MBD5: variants seen among roughly 807,000 people sequenced by gnomAD.
MBD5 encodes methyl-CpG binding domain protein 5, also known as methyl-CpG-binding domain protein 5.
In MBD5, 13 loss-of-function variants were observed where a neutral mutation model predicts 117.3. The ratio of observed to expected loss-of-function variants is 0.11; its 90% CI spans 0.07 to 0.18. The LOEUF is 0.18. Ranked by LOEUF, MBD5 falls within the 10% of genes least tolerant of loss-of-function variation. MBD5 has a pLI of 1.00. For synonymous variants in MBD5, 727 were observed against 766.4 expected (o/e 0.95, Z 0.85); for missense variants, 1,879 against 2,093.8 (o/e 0.90, Z 2.00).
chr2:148,055,951 G>A (rs745832228), intron 1 of MBD5: 1 of 152,066 alleles, frequency 6.6e-6, no homozygotes, highest in Non-Finnish European at 1.5e-5. Context: ...TTCATAATCA[G>A]TTTGGCATGT....
At chr2:148,267,705 A>G (rs1418175819) in intron 3 of MBD5, among the ~76,000 whole-genome samples, 2 of 151,956 alleles carry the variant, frequency 1.3e-5, no homozygotes, top group Admixed American at 6.6e-5. Flanking sequence ...AACTTTTTAA[A>G]CTTTTATGTT....
intron 3 of MBD5, among the ~76,000 whole-genome samples, chr2:148,295,012 G>A (rs1701615502): frequency 6.6e-6 from 1 of 152,090 alleles, no homozygotes; most frequent in South Asian, 2.1e-4. Flanking sequence ...ACTTTGATGT[G>A]TCTGAGTATG....
At chr2:148,320,133 G>C (rs548501765) in intron 3 of MBD5, among the ~76,000 whole-genome samples, 6 of 152,168 alleles carry the variant, frequency 3.9e-5, no homozygotes, top group Admixed American at 3.9e-4. Flanking sequence ...TGTGTTGTTG[G>C]CATTCTATTT....
At chr2:148,266,742 A>G (rs1013290239) in intron 3 of MBD5, among the ~76,000 whole-genome samples, 8 of 152,160 alleles carry the variant, frequency 5.3e-5, no homozygotes, top group Non-Finnish European at 1.0e-4. Flanking sequence ...CAAAAACTAT[A>G]GAATAACAAG....
At chr2:148,198,922 A>ATATATGTATGTATGTG (rs200956783) in intron 2 of MBD5, among the ~76,000 whole-genome samples, 2 of 151,816 alleles carry the variant, frequency 1.3e-5, no homozygotes, top group African/African-American at 4.8e-5. Flanking sequence ...GGGGGAATAT[A>ATATATGTATGTATGTG]TATATGTATG....
At position 148,399,997 on chromosome 2, in the gene MBD5, T is replaced by A. The variant is rs528625813; in HGVS notation, c.-557+57661T>A. Reference sequence around the variant, plus strand: ...GTTGAACCAGCCTTGCATCCCAGGGTTGAAGCCCACTTGATCATGGTGGAT... The same window carrying A: ...GTTGAACCAGCCTTGCATCCCAGGGATGAAGCCCACTTGATCATGGTGGAT... On this transcript the variant is annotated intron_variant, in intron 4 of 13. Coordinates refer to ENST00000642680, the MANE Select transcript of MBD5 (RefSeq NM_001378120.1). Among the ~76,000 whole-genome samples, 25 of 152,184 alleles carry A rather than the reference T, an allele frequency of 1.6e-4. No individual in the cohort carries two copies. In the East Asian group the frequency reaches 3.9e-3, roughly 24 times the overall value.
chr2:148,486,396 T>C (rs1681341244), intron 10 of MBD5, among the ~76,000 whole-genome samples: 2 of 152,084 alleles, frequency 1.3e-5, no homozygotes, highest in South Asian at 4.1e-4. Context: ...TAAATCCACA[T>C]AGGGAGAAAA....
intron 3 of MBD5, among the ~76,000 whole-genome samples, chr2:148,327,113 T>A (rs1192222190): frequency 1.3e-5 from 2 of 152,084 alleles, no homozygotes; most frequent in African/African-American, 4.8e-5. Context: ...TTTGGCTGGA[T>A]ATGAAATTCT....
chr2:148,029,910 G>A (rs1693992608), intron 1 of MBD5, among the ~76,000 whole-genome samples: 1 of 152,110 alleles, frequency 6.6e-6, no homozygotes, highest in Non-Finnish European at 1.5e-5. Flanking sequence ...TAAATCTAAT[G>A]CATTGCTGGT....
chr2:148,032,884 T>C (rs2105602344), intron 1 of MBD5, among the ~76,000 whole-genome samples: 1 of 152,002 alleles, frequency 6.6e-6, no homozygotes, highest in East Asian at 1.9e-4. Flanking sequence ...TATAACCAGG[T>C]AGAAGTTAGA....
At chr2:148,273,826 C>G (rs1443601556) in intron 3 of MBD5, among the ~76,000 whole-genome samples, 1 of 152,152 alleles carries the variant, frequency 6.6e-6, no homozygotes, top group Non-Finnish European at 1.5e-5. Flanking sequence ...AGGGAAGAAC[C>G]TAGTTGGGCA....
chr2:148,180,662 A>G (rs953813032), intron 2 of MBD5, among the ~76,000 whole-genome samples: 11 of 151,770 alleles, frequency 7.2e-5, no homozygotes, highest in Non-Finnish European at 1.5e-4. Context: ...TCCCAAAGTG[A>G]TGGGATTACA....
rs576225989 is a variant in MBD5 at position 148,447,946 on chromosome 2, C to G, written c.-556-10257C>G. Among the ~76,000 whole-genome samples, 8 of 152,132 alleles carry G rather than the reference C, an allele frequency of 5.3e-5. No individual in the cohort carries two copies. The East Asian group carries it at 1.5e-3, about 29-fold the overall frequency. Reference sequence around the variant, plus strand: ...GACTTTTACAGTTTTTGCTTTTCTTCAGTACATCCTCTAAAACACTCTATG... The same window carrying G: ...GACTTTTACAGTTTTTGCTTTTCTTGAGTACATCCTCTAAAACACTCTATG... On this transcript the variant is annotated intron_variant, in intron 4 of 13. Coordinates refer to ENST00000642680, the MANE Select transcript of MBD5 (RefSeq NM_001378120.1).
intron 1 of MBD5, among the ~76,000 whole-genome samples, chr2:148,045,868 T>TAGAATGG (rs1694511040): frequency 6.6e-6 from 1 of 152,002 alleles, no homozygotes; most frequent in Non-Finnish European, 1.5e-5. Context: ...CTCTTAATCC[T>TAGAATGG]AGAATGGATA....
chr2:148,361,064 G>A (rs1341220289), intron 4 of MBD5, among the ~76,000 whole-genome samples: 1 of 152,026 alleles, frequency 6.6e-6, no homozygotes, highest in Non-Finnish European at 1.5e-5. Flanking sequence ...GTGCTGGGTT[G>A]GGGCCAGGCG....
At chr2:148,353,724 G>A (rs1359565938) in intron 4 of MBD5, among the ~76,000 whole-genome samples, 1 of 151,744 alleles carries the variant, frequency 6.6e-6, no homozygotes, top group Non-Finnish European at 1.5e-5. Flanking sequence ...TAGACTACAG[G>A]TGTGTGCCAG....
Position 148,483,095 on chromosome 2 carries a change from T to C in MBD5, c.2519-15T>C. ...TTAATAACTGGGTTTTGTGTTTTTT[T>C]TTTTTTCATTTTAGGCGGTTCAGGA... is the stretch of plus-strand genomic sequence containing the variant. On this transcript the variant is annotated splice_polypyrimidine_tract_variant and intron_variant, in intron 8 of 13. Coordinates refer to ENST00000642680, the MANE Select transcript of MBD5 (RefSeq NM_001378120.1). 5 of 1,606,252 alleles carry C rather than the reference T, an allele frequency of 3.1e-6. No homozygotes were observed. The highest frequency in any genetic ancestry group is 4.2e-6 in the Non-Finnish European group (5 of 1,179,486).
chr2:148,369,994 T>C (rs1198594849), intron 4 of MBD5, among the ~76,000 whole-genome samples: 2 of 152,302 alleles, frequency 1.3e-5, no homozygotes, highest in South Asian at 2.1e-4. Context: ...TTCCCCACTT[T>C]ACCTGGCTAA....
At chr2:148,385,155 C>A (rs6730640) in intron 4 of MBD5, among the ~76,000 whole-genome samples, 1 of 151,624 alleles carries the variant, frequency 6.6e-6, no homozygotes, top group East Asian at 1.9e-4. Context: ...GCAAAAGAAA[C>A]TACCATCAGA....
Sources: allele counts gnomAD v4.1 joint callset (sites outside exome capture counted in the v4.1 genomes callset), GRCh38; gene constraint gnomAD v4.1.1; transcripts MANE v1.5; gene names NCBI Gene and HGNC (gene_info 2026-07-23, HGNC 2026-07-21).